The following AQR variants were observed in gnomAD, a reference collection of about 807,000 sequenced individuals.
AQR encodes the protein RNA helicase aquarius.
A neutral mutation model predicts 180.5 loss-of-function variants in AQR; 61 were observed. The observed-to-expected ratio is 0.34, with a 90% CI of 0.28 to 0.42. The LOEUF is 0.42. Ranked by LOEUF, AQR falls within the 10% of genes least tolerant of loss-of-function variation. AQR has a pLI of 1.00. For missense variants in AQR, 1,281 were observed against 1,798.3 expected, an observed-to-expected ratio of 0.71 and a Z score of 5.20; for synonymous variants, 551 against 588.8, an observed-to-expected ratio of 0.94 and a Z score of 0.93.
chr15:34,915,230 G>A lies in AQR; in HGVS notation c.1343-51C>T, dbSNP rs371998660. 3.1e-5 allele frequency: 44 copies of A among 1,415,504 alleles called. 2 individuals are homozygous for A. In the Middle Eastern group the frequency reaches 1.3e-3, roughly 43 times the overall value. The allele number at this position is 1,415,504 out of a possible 1,614,324, so 87.7% of individuals were successfully genotyped here. ...TTCAATTTTTTTTTTTTTTTGAGAC[G>A]GAGTCTCACTCTGTCACCTGCACAA... On this transcript the variant is annotated intron_variant, in intron 15 of 34. Transcript: ENST00000156471.
chr15:34,900,950 T>A, intron 19 of AQR, 87 bp from the exon 20 acceptor site: 3 of 1,473,144 alleles, frequency 2.0e-6, no homozygotes, highest in South Asian at 3.0e-5. Context: ...GCTGCACTAA[T>A]CCAGAATTCC....
chr15:34,948,183 C>A, intron 5 of AQR, 81 bp downstream of exon 5: 1 of 1,488,122 alleles, frequency 6.7e-7, no homozygotes, highest in South Asian at 1.4e-5. Context: ...CTAAAAGCAC[C>A]ACTATCAGTA....
At chr15:34,932,863 G>A (rs146482595) in intron 10 of AQR, among the ~76,000 whole-genome samples, 3,721 of 152,090 alleles carry the variant, frequency 0.024, 68 homozygotes, top group Middle Eastern at 0.071. Flanking sequence ...GCTGAGGCAG[G>A]GAGAATTGCT....
intron 3 of AQR, among the ~76,000 whole-genome samples, chr15:34,955,438 G>A (rs528776845): frequency 1.4e-4 from 21 of 152,114 alleles, no homozygotes; most frequent in Non-Finnish European, 2.6e-4. Flanking sequence ...CTTTTCAGAC[G>A]ACTATGTGAA....
Position 34,853,278 on chromosome 15 carries a change from T to G in AQR, c.*3514A>C, listed in dbSNP as rs540120920. 6 of 151,990 alleles carry G rather than the reference T, an allele frequency of 3.9e-5. No individual in the cohort carries two copies. In the South Asian group the frequency reaches 1.2e-3, roughly 32 times the overall value. The allele number at this position is 151,990 out of a possible 1,614,324, so 9.4% of individuals were successfully genotyped here. On this transcript the variant is annotated 3_prime_UTR_variant, in exon 35 of 35. Transcript: ENST00000156471. ...TTTTTTAACTTTATCTTGTTTTGATTGAAGAAACATCTCTAAAAATACCAT... is the reference window on the plus strand; with the variant it reads ...TTTTTTAACTTTATCTTGTTTTGATGGAAGAAACATCTCTAAAAATACCAT...
chr15:34,926,414 C>G (rs1169352125), intron 13 of AQR, among the ~76,000 whole-genome samples: 1 of 152,108 alleles, frequency 6.6e-6, no homozygotes, highest in African/African-American at 2.4e-5. Context: ...GCTTGGAAAT[C>G]ACACTATCCG....
chr15:34,870,038 TG>T (rs1892793330), intron 31 of AQR: 1 of 152,216 alleles, frequency 6.6e-6, no homozygotes, highest in South Asian at 2.1e-4. Flanking sequence ...GTGGGAGACA[TG>T]AAGATGGGGT....
intron 23 of AQR, among the ~76,000 whole-genome samples, chr15:34,891,983 T>C (rs1185399344): frequency 6.6e-6 from 1 of 152,194 alleles, no homozygotes; most frequent in African/African-American, 2.4e-5. Context: ...TTTAAAACTT[T>C]ACAAATTAAA....
chr15:34,950,556 C>A (rs75562032), intron 4 of AQR, among the ~76,000 whole-genome samples: 6,262 of 151,440 alleles, frequency 0.041, 191 homozygotes, highest in African/African-American at 0.081. Flanking sequence ...CCCTCCCCCA[C>A]GTCTATCCAT....
chr15:34,942,912 A>G (rs1026423772), intron 6 of AQR, among the ~76,000 whole-genome samples: 1 of 152,222 alleles, frequency 6.6e-6, no homozygotes, highest in Non-Finnish European at 1.5e-5. Context: ...TCAATAATAA[A>G]CTAGTTTGGT....
Position 34,956,816 on chromosome 15 carries a change from A to T in AQR, c.174-3896T>A, listed in dbSNP as rs757013017. ...TATCCACTTCAGTTTCCTCATCCAT[A>T]AAATGAGGACAATAATAGTGTTACA... On this transcript the variant is annotated intron_variant, in intron 3 of 34. Coordinates refer to ENST00000156471, the MANE Select transcript of AQR (RefSeq NM_014691.3). Among the ~76,000 whole-genome samples, 4 of 152,178 alleles carry T rather than the reference A, an allele frequency of 2.6e-5. No individual in the cohort carries two copies. The East Asian group carries it at 7.7e-4, about 29-fold the overall frequency.
chr15:34,880,139 A>G (rs1595784693), intron 27 of AQR, among the ~76,000 whole-genome samples: 2 of 152,362 alleles, frequency 1.3e-5, no homozygotes. Flanking sequence ...AAACGGAACA[A>G]TTCTTCAAAA....
Position 34,893,651 on chromosome 15 carries a change from A to ACACG in AQR, c.2571+11_2571+12insCGTG. 1 of 1,588,494 alleles carries ACACG rather than the reference A, an allele frequency of 6.3e-7. No individual in the cohort carries two copies. The highest frequency in any genetic ancestry group is 8.6e-7 in the Non-Finnish European group (1 of 1,160,460). On this transcript the variant is annotated intron_variant, in intron 23 of 34. Transcript: ENST00000156471. ...CACACACACACACACACACACACAC[A>ACACG]CAGTCATTTACCTGATTGGAATGAG...
At chr15:34,916,798 T>A (rs1439703693) in intron 15 of AQR, among the ~76,000 whole-genome samples, 2 of 147,766 alleles carry the variant, frequency 1.4e-5, no homozygotes, top group African/African-American at 5.0e-5. Context: ...AGGAACATGC[T>A]GCAATATACC....
chr15:34,949,157 T>A (rs1894177211), intron 4 of AQR, among the ~76,000 whole-genome samples: 1 of 151,780 alleles, frequency 6.6e-6, no homozygotes, highest in Non-Finnish European at 1.5e-5. Flanking sequence ...CACGCCCGGC[T>A]AATTTTTTGT....
chr15:34,950,918 C>G (rs1461749020), intron 4 of AQR, among the ~76,000 whole-genome samples: 1 of 152,082 alleles, frequency 6.6e-6, no homozygotes, highest in African/African-American at 2.4e-5. Flanking sequence ...AGAGTAAAGT[C>G]TTATCTTGGG....
chr15:34,860,208 T>G, intron 33 of AQR, 53 bp from the exon 34 acceptor site: 1 of 892,502 alleles, frequency 1.1e-6, no homozygotes, highest in Non-Finnish European at 1.6e-6. Context: ...CCCTAGAAGG[T>G]AACACTTCAA....
chr15:34,854,124 T>A lies in AQR; in HGVS notation c.*2668A>T, dbSNP rs902194927. ...CAATAGAGCTATTTATCCTCAACTG[T>A]TGGCAATGAACTTTCTTAACTCAGA... On this transcript the variant is annotated 3_prime_UTR_variant, in exon 35 of 35. Coordinates refer to ENST00000156471, the MANE Select transcript of AQR (RefSeq NM_014691.3). 5.3e-5 allele frequency: 8 copies of A among 150,284 alleles called. No homozygotes were observed. The highest frequency in any genetic ancestry group is 2.0e-4 in the African/African-American group (8 of 40,682). 9.3% of individuals were successfully genotyped at this position (150,284 alleles called of 1,614,324 possible).
chr15:34,908,114 G>A (rs1392733851), intron 17 of AQR, among the ~76,000 whole-genome samples: 3 of 152,170 alleles, frequency 2.0e-5, no homozygotes, highest in Non-Finnish European at 2.9e-5. Flanking sequence ...CAAAAGGAAT[G>A]TTTTATGGTA....
Sources: gnomAD v4.1 joint callset for allele counts (sites outside exome capture counted in the v4.1 genomes callset) on GRCh38, gnomAD v4.1.1 for gene constraint, MANE v1.5 for transcripts, NCBI Gene and HGNC (gene_info 2026-07-23, HGNC 2026-07-21) for gene names.